The following ABLIM1 variants were observed in gnomAD, a reference collection of about 807,000 sequenced individuals.
ABLIM1 encodes the protein actin binding LIM protein 1, also known as actin-binding LIM protein 1.
ABLIM1 carries 40 observed loss-of-function variants against 107.0 expected under a neutral mutation model. That is an observed-to-expected ratio of 0.37 (90% confidence interval 0.29 to 0.49). The LOEUF is 0.49. Ranked by LOEUF, ABLIM1 falls within the 20% of genes least tolerant of loss-of-function variation. The probability of loss-of-function intolerance (pLI) is 0.97; values close to 1 mark genes in which losing one functional copy is unlikely to be tolerated. For synonymous variants in ABLIM1, 357 were observed against 357.3 expected (o/e 1.00, Z 0.01); for missense variants, 857 against 1,008.5 (o/e 0.85, Z 2.04).
In ABLIM1 at chr10:114,473,737, G is replaced by A. The variant is rs73352085; in HGVS notation, c.1119+142C>T. 3,250 of 622,006 alleles carry A rather than the reference G, an allele frequency of 5.2e-3. 78 individuals carry two copies. In the African/African-American group the frequency reaches 0.053, roughly 10 times the overall value. The allele number at this position is 622,006 out of a possible 1,614,324, so 38.5% of individuals were successfully genotyped here. On this transcript the variant is annotated intron_variant, in intron 9 of 22. Coordinates refer to ENST00000533213, the MANE Select transcript of ABLIM1 (RefSeq NM_002313.7). ...AAAGGTAAAAGTGATTGAGGAGACTGTTCTACAAAAATGAAAATCAGGTCT... is the reference window on the plus strand; with the variant it reads ...AAAGGTAAAAGTGATTGAGGAGACTATTCTACAAAAATGAAAATCAGGTCT...
exon 1 of ABLIM1, chr10:114,684,356 A>G: frequency 6.2e-7 from 1 of 1,614,092 alleles, no homozygotes; most frequent in South Asian, 1.1e-5. Flanking sequence ...ATTAACATGC[A>G]CAAAGCTCCA....
At chr10:114,770,463 A>T (rs1289571540), upstream of ABLIM1, among the ~76,000 whole-genome samples, 41 of 150,166 alleles carry the variant, frequency 2.7e-4, no homozygotes, top group African/African-American at 1.0e-3. Flanking sequence ...CAACAAGATA[A>T]TATGTTTCCT....
chr10:114,696,803 G>A (rs2081203675), intron 1 of ABLIM1, among the ~76,000 whole-genome samples: 1 of 152,090 alleles, frequency 6.6e-6, no homozygotes, highest in Non-Finnish European at 1.5e-5. Flanking sequence ...TTTATCAGCA[G>A]TGTGAAAATG....
chr10:114,636,775 G>A (rs117282608), intron 1 of ABLIM1, among the ~76,000 whole-genome samples: 2,917 of 152,274 alleles, frequency 0.019, 45 homozygotes, highest in Middle Eastern at 0.1. Flanking sequence ...GTGCATACCT[G>A]TAATCCCAGC....
the ABLIM1 span, chr10:114,779,670 T>A: frequency 6.6e-6 from 1 of 152,256 alleles, no homozygotes; most frequent in African/African-American, 2.4e-5. Flanking sequence ...GGTCTTTTCA[T>A]ATCGATGCAT....
At chr10:114,644,306 A>AAAAAAAATATATAT (rs1408072252) in intron 1 of ABLIM1, among the ~76,000 whole-genome samples, 2 of 52,248 alleles carry the variant, frequency 3.8e-5, no homozygotes, top group Non-Finnish European at 6.3e-5. Context: ...AAAAAAAAAA[A>AAAAAAAATATATAT]ATATATATAT....
chr10:114,649,966 C>T (rs914411789), intron 1 of ABLIM1, among the ~76,000 whole-genome samples: 1 of 152,096 alleles, frequency 6.6e-6, no homozygotes, highest in African/African-American at 2.4e-5. Context: ...AGCAATTTCC[C>T]AGCCTCAGCC....
the ABLIM1 span, chr10:114,775,860 T>A: frequency 2.1e-4 from 32 of 152,192 alleles, no homozygotes; most frequent in Non-Finnish European, 4.1e-4. Flanking sequence ...GTTCCTAATA[T>A]ATAGGCAGAG....
the ABLIM1 span, chr10:114,777,820 C>A: frequency 6.6e-6 from 1 of 152,304 alleles, no homozygotes; most frequent in Non-Finnish European, 1.5e-5. Flanking sequence ...TGTCAGCTCC[C>A]TTAGGAAGTA....
intron 1 of ABLIM1, among the ~76,000 whole-genome samples, chr10:114,602,577 A>C (rs934535730): frequency 1.3e-5 from 2 of 152,206 alleles, no homozygotes; most frequent in East Asian, 3.9e-4. Flanking sequence ...TTGCAGGCCT[A>C]TGATGAGCCT....
At chr10:114,700,645 G>C (rs756391639) in intron 1 of ABLIM1, among the ~76,000 whole-genome samples, 2 of 151,980 alleles carry the variant, frequency 1.3e-5, no homozygotes, top group Non-Finnish European at 2.9e-5. Flanking sequence ...ACTTATAAAT[G>C]ATTGACTGGT....
chr10:114,581,921 T>G (rs912785697), intron 2 of ABLIM1, among the ~76,000 whole-genome samples: 2 of 152,108 alleles, frequency 1.3e-5, no homozygotes, highest in African/African-American at 4.8e-5. Flanking sequence ...AATATCATAC[T>G]GAACAGGCAA....
the ABLIM1 span, among the ~76,000 whole-genome samples, chr10:114,796,822 C>T: frequency 2.6e-5 from 4 of 152,120 alleles, no homozygotes; most frequent in African/African-American, 7.2e-5. Flanking sequence ...CTCCACCCCA[C>T]CTTGTTGCTG....
At chr10:114,480,317 A>T (rs2057141732) in intron 8 of ABLIM1, among the ~76,000 whole-genome samples, 1 of 152,256 alleles carries the variant, frequency 6.6e-6, no homozygotes, top group Non-Finnish European at 1.5e-5. Context: ...CAGTAAAAAA[A>T]AATTACTCTC....
chr10:114,649,400 AAAATAAATAAATAAATAAAT>A (rs57772186), intron 1 of ABLIM1, among the ~76,000 whole-genome samples: 2,332 of 136,312 alleles, frequency 0.017, 69 homozygotes, highest in African/African-American at 0.059. Context: ...AGACTCTGTC[AAAATAAATAAATAAATAAAT>A]AAATAAATAA....
chr10:114,471,450 T>A (rs1013435819), intron 10 of ABLIM1, among the ~76,000 whole-genome samples: 17 of 152,316 alleles, frequency 1.1e-4, no homozygotes, highest in African/African-American at 3.8e-4. Context: ...TCGCCTCTTA[T>A]GCCCTACGAA....
At chr10:114,780,155 C>A in the ABLIM1 span, among the ~76,000 whole-genome samples, 1 of 152,130 alleles carries the variant, frequency 6.6e-6, no homozygotes, top group Admixed American at 6.5e-5. Flanking sequence ...CTCTTCTCCA[C>A]CTCATCTTTA....
At chr10:114,753,289 C>T (rs2082557917) in intron 1 of ABLIM1, among the ~76,000 whole-genome samples, 1 of 152,138 alleles carries the variant, frequency 6.6e-6, no homozygotes, top group African/African-American at 2.4e-5. Flanking sequence ...CACAGAGGGG[C>T]GTTTGAGGAA....
chr10:114,738,238 T>C lies in ABLIM1; in HGVS notation c.-213+29823A>G, dbSNP rs150240842. Among the ~76,000 whole-genome samples, 1,115 of 152,242 alleles carry C rather than the reference T, an allele frequency of 7.3e-3. 13 individuals are homozygous for C. The highest frequency in any genetic ancestry group is 0.02 in the African/African-American group (838 of 41,570). On this transcript the variant is annotated intron_variant, in intron 1 of 15. Transcript: ENST00000651092. ...TAATTTTTTGTATTTTTAGTAGAGA[T>C]GGGGCTTTGCCATGTTGGCCAGGCT...
Sources: gnomAD v4.1 joint callset for allele counts (sites outside exome capture counted in the v4.1 genomes callset) on GRCh38, gnomAD v4.1.1 for gene constraint, MANE v1.5 for transcripts, NCBI Gene and HGNC (gene_info 2026-07-23, HGNC 2026-07-21) for gene names.